Variants in PLEKHB2 observed in about 807,000 individuals in gnomAD.
The protein encoded by PLEKHB2 is pleckstrin homology domain containing B2, also known as pleckstrin homology domain-containing family B member 2.
In PLEKHB2, 31 loss-of-function variants were observed where a neutral mutation model predicts 36.5. The ratio of observed to expected loss-of-function variants is 0.85; its 90% confidence interval spans 0.64 to 1.15. The LOEUF (loss-of-function observed/expected upper bound fraction) is 1.15, where lower values mean the gene tolerates loss of function less well. PLEKHB2 is among the 50% of genes most tolerant of loss of function. The pLI, the probability that PLEKHB2 is intolerant of heterozygous loss-of-function variation, is 0.00. For synonymous variants in PLEKHB2, 119 were observed against 112.0 expected, an observed-to-expected ratio of 1.06 and a Z score of -0.39; for missense variants, 262 against 295.3, an observed-to-expected ratio of 0.89 and a Z score of 0.83.
chr2:131,107,054 CA>C (rs1694812884), intron 1 of PLEKHB2, among the ~76,000 whole-genome samples: 1 of 152,214 alleles, frequency 6.6e-6, no homozygotes, highest in Non-Finnish European at 1.5e-5. Flanking sequence ...AGGTTTCTCT[CA>C]GCTCTTTCTG....
chr2:131,142,635 G>T (rs1698911771), intron 7 of PLEKHB2, among the ~76,000 whole-genome samples: 1 of 148,016 alleles, frequency 6.8e-6, no homozygotes, highest in African/African-American at 2.5e-5. Context: ...GCAATGTCAT[G>T]ATCTTGGCTC....
chr2:131,119,435 G>A (rs1696238179), intron 1 of PLEKHB2, among the ~76,000 whole-genome samples: 1 of 152,304 alleles, frequency 6.6e-6, no homozygotes, highest in Non-Finnish European at 1.5e-5. Flanking sequence ...ATGCTGCTCC[G>A]CCTTGCCTGC....
In PLEKHB2 at chr2:131,122,194, C is replaced by T. The variant is rs140391782; in HGVS notation, c.37+1216C>T. On this transcript the variant is annotated intron_variant, in intron 2 of 7. Transcript: ENST00000693505. ...ACAGGCAAAGTGCTGGGATTACAGG[C>T]GTGAGCCACCGCGCCCGGCCTCATA... Among the ~76,000 whole-genome samples the T allele has an allele frequency of 1.6e-3, 246 of 152,254 alleles. 1 individual carries two copies. The highest frequency in any genetic ancestry group is 5.8e-3 in the African/African-American group (239 of 41,552).
chr2:131,135,776 T>A (rs530461411), intron 6 of PLEKHB2, among the ~76,000 whole-genome samples: 2,104 of 150,214 alleles, frequency 0.014, 50 homozygotes, highest in African/African-American at 0.049. Context: ...AATTTTTTTA[T>A]TTTTTTTATT....
intron 2 of PLEKHB2, among the ~76,000 whole-genome samples, chr2:131,122,487 G>A (rs1559068533): frequency 6.6e-6 from 1 of 152,126 alleles, no homozygotes; most frequent in East Asian, 1.9e-4. Context: ...TATTGTTTAC[G>A]AATTGTTTGT....
chr2:131,128,439 G>A lies in PLEKHB2; in HGVS notation c.293+1653G>A, dbSNP rs1697316463. Among the ~76,000 whole-genome samples, 3 of 152,080 alleles carry A rather than the reference G, an allele frequency of 2.0e-5. No individual in the cohort carries two copies. The South Asian group carries it at 6.2e-4, about 31-fold the overall frequency. ...GCAGAGTCTTCAGGAATGCTTTCCT[G>A]GCCACCATATTTAAAATTGTATCTC... is the stretch of plus-strand genomic sequence containing the variant. On this transcript the variant is annotated intron_variant, in intron 4 of 7. Coordinates refer to ENST00000693505, the MANE Select transcript of PLEKHB2 (RefSeq NM_001100623.2).
At chr2:131,122,073 T>G (rs1696578036) in intron 2 of PLEKHB2, among the ~76,000 whole-genome samples, 1 of 152,082 alleles carries the variant, frequency 6.6e-6, no homozygotes, top group African/African-American at 2.4e-5. Context: ...TAATTTTGTA[T>G]TTTTAGTAGA....
chr2:131,126,934 C>T (rs1346194962), intron 4 of PLEKHB2, 148 bp downstream of exon 4: 4 of 596,080 alleles, frequency 6.7e-6, no homozygotes, highest in South Asian at 2.0e-5. Context: ...ATGCAAGAGT[C>T]GCTTTTCCAA....
At chr2:131,126,817 A>G (rs1189876739) in intron 4 of PLEKHB2, 31 bp downstream of exon 4, 7 of 1,244,732 alleles carry the variant, frequency 5.6e-6, no homozygotes, top group African/African-American at 3.0e-5. Context: ...TGTTTAATTT[A>G]AAAAGTATTT....
chr2:131,134,339 G>T (rs866860126), intron 6 of PLEKHB2, among the ~76,000 whole-genome samples: 15 of 152,250 alleles, frequency 9.9e-5, no homozygotes, highest in African/African-American at 3.4e-4. Flanking sequence ...GGCATGAGCT[G>T]ATTTATTGGC....
chr2:131,114,972 T>C (rs1695704359), intron 1 of PLEKHB2, among the ~76,000 whole-genome samples: 1 of 152,208 alleles, frequency 6.6e-6, no homozygotes, highest in African/African-American at 2.4e-5. Flanking sequence ...GGTACCAGTT[T>C]ACTGTATTAG....
intron 6 of PLEKHB2, among the ~76,000 whole-genome samples, chr2:131,137,555 A>G (rs79784394): frequency 8.5e-4 from 130 of 152,240 alleles, no homozygotes; most frequent in African/African-American, 2.9e-3. Context: ...AGAGTTCTTT[A>G]TGGTGTTTTC....
At chr2:131,142,894 C>CT (rs1698936142) in intron 7 of PLEKHB2, among the ~76,000 whole-genome samples, 1 of 152,100 alleles carries the variant, frequency 6.6e-6, no homozygotes, top group South Asian at 2.1e-4. Context: ...CAACTAGACT[C>CT]TATCTCTATA....
intron 1 of PLEKHB2, among the ~76,000 whole-genome samples, chr2:131,115,856 G>A (rs1184147348): frequency 6.6e-6 from 1 of 152,174 alleles, no homozygotes; most frequent in Non-Finnish European, 1.5e-5. Context: ...ACTCTTGAAA[G>A]CATCTGTGCT....
intron 1 of PLEKHB2, among the ~76,000 whole-genome samples, chr2:131,105,917 C>G (rs1005423620): frequency 1.4e-4 from 21 of 152,196 alleles, no homozygotes; most frequent in Non-Finnish European, 4.4e-5. Context: ...CTTGCCTTCT[C>G]AGTTCTCCTG....
chr2:131,144,990 C>T (rs1220726809), intron 7 of PLEKHB2, among the ~76,000 whole-genome samples: 1 of 152,024 alleles, frequency 6.6e-6, no homozygotes, highest in Non-Finnish European at 1.5e-5. Context: ...GCTTCCAGTA[C>T]TGTTACCTGT....
intron 7 of PLEKHB2, among the ~76,000 whole-genome samples, chr2:131,144,129 C>T (rs1443642170): frequency 6.6e-6 from 1 of 152,158 alleles, no homozygotes; most frequent in East Asian, 1.9e-4. Flanking sequence ...TTTGCCACCT[C>T]CATGCCATCC....
At chr2:131,142,155 T>C (rs1238004240) in intron 7 of PLEKHB2, among the ~76,000 whole-genome samples, 1 of 152,118 alleles carries the variant, frequency 6.6e-6, no homozygotes, top group Non-Finnish European at 1.5e-5. Context: ...AACTGAACTA[T>C]CCCAAGAAAA....
In PLEKHB2 at chr2:131,109,670, A is replaced by G. The variant is rs545429974; in HGVS notation, c.-9+4272A>G. On this transcript the variant is annotated intron_variant, in intron 1 of 7. Transcript: ENST00000693505. ...GCGCCACTATACTCCAGCCTGGGCA[A>G]CAAGAGCGAAACTCTGTCTCAAAAC... Among the ~76,000 whole-genome samples the G allele has an allele frequency of 1.4e-3, 219 of 152,246 alleles. 2 individuals carry two copies. Among genetic ancestry groups the G allele is most frequent in the African/African-American group, 4.6e-3 (193 of 41,542 alleles).
Sources: allele counts gnomAD v4.1 joint callset (sites outside exome capture counted in the v4.1 genomes callset), GRCh38; gene constraint gnomAD v4.1.1; transcripts MANE v1.5; gene names NCBI Gene and HGNC (gene_info 2026-07-23, HGNC 2026-07-21).